Variants in CD84 observed in about 807,000 individuals in gnomAD.
CD84 encodes CD84 molecule.
Under a neutral mutation model 33.8 loss-of-function variants are expected in CD84, and 22 were observed. The ratio of observed to expected loss-of-function variants is 0.65; its 90% confidence interval spans 0.46 to 0.93. The LOEUF is 0.93. Ranked by LOEUF, CD84 falls within the 40% of genes least tolerant of loss-of-function variation. CD84 has a pLI of 0.00. For missense variants in CD84, 400 were observed against 397.6 expected, an observed-to-expected ratio of 1.01 and a Z score of -0.05; for synonymous variants, 154 against 145.2, an observed-to-expected ratio of 1.06 and a Z score of -0.44.
intron 1 of CD84, among the ~76,000 whole-genome samples, chr1:160,569,745 G>A (rs1471937931): frequency 6.6e-6 from 1 of 152,076 alleles, no homozygotes; most frequent in African/African-American, 2.4e-5. Flanking sequence ...TCTACTTGAT[G>A]GAAAGGGAAA....
At position 160,547,021 on chromosome 1, in the gene CD84, A is replaced by T. The variant is rs1452608489; in HGVS notation, c.*1235T>A. 2.5e-6 allele frequency: 1 copy of T among 397,980 alleles called. No homozygotes were observed. Among genetic ancestry groups the T allele is most frequent in the African/African-American group, 2.1e-5 (1 of 48,636 alleles). The allele number at this position is 397,980 out of a possible 1,614,324, so 24.7% of individuals were successfully genotyped here. A position where few individuals can be genotyped will look rare whatever the true frequency, so the allele number is the denominator to read the frequency against. On this transcript the variant is annotated 3_prime_UTR_variant, in exon 7 of 7. Transcript: ENST00000368054. ...GTTAGCCGATTATACTTGCTAACAC[A>T]TAAGGGAAACACTTCCTTAAATGAT...
chr1:160,559,502 A>G (rs1656814052), intron 2 of CD84, among the ~76,000 whole-genome samples: 1 of 152,200 alleles, frequency 6.6e-6, no homozygotes, highest in Non-Finnish European at 1.5e-5. Flanking sequence ...GGAAAGGGAA[A>G]ACAGGTACCA....
intron 4 of CD84, chr1:160,552,731 C>A: frequency 6.5e-7 from 1 of 1,547,962 alleles, no homozygotes. Flanking sequence ...GGTGTTCAAG[C>A]AGGAACCTGA....
chr1:160,575,494 AACACACACACACAC>A (rs3078967), intron 1 of CD84, among the ~76,000 whole-genome samples: 1 of 146,706 alleles, frequency 6.8e-6, no homozygotes, highest in Non-Finnish European at 1.5e-5. Flanking sequence ...GTTCCTTCAA[AACACACACACACAC>A]ACACACACAC....
intron 1 of CD84, among the ~76,000 whole-genome samples, chr1:160,576,265 G>A (rs1440218050): frequency 2.6e-5 from 4 of 152,192 alleles, no homozygotes; most frequent in Non-Finnish European, 5.9e-5. Context: ...GGTCTCAACT[G>A]CTGAAATGCC....
chr1:160,567,931 C>G (rs2369720), intron 1 of CD84, among the ~76,000 whole-genome samples: 7,570 of 152,204 alleles, frequency 0.05, 639 homozygotes, highest in African/African-American at 0.17. Context: ...CTGAACTGGA[C>G]TTAAGGCTGC....
intron 1 of CD84, among the ~76,000 whole-genome samples, chr1:160,576,662 G>GTTAGA (rs1234140259): frequency 6.6e-6 from 1 of 152,170 alleles, no homozygotes; most frequent in Non-Finnish European, 1.5e-5. Context: ...CAGAGGTGAA[G>GTTAGA]TCTAAGGACT....
chr1:160,567,596 A>T (rs890776595), intron 1 of CD84, among the ~76,000 whole-genome samples: 5 of 152,208 alleles, frequency 3.3e-5, no homozygotes, highest in Non-Finnish European at 5.9e-5. Flanking sequence ...ACATCGTTGC[A>T]GCCCTGAGGA....
intron 1 of CD84, among the ~76,000 whole-genome samples, chr1:160,567,127 T>C (rs943055256): frequency 6.6e-6 from 1 of 152,242 alleles, no homozygotes; most frequent in South Asian, 2.1e-4. Flanking sequence ...TGGTGTGTAC[T>C]GGTTGCATGT....
chr1:160,550,522 A>G (rs1225869011), intron 5 of CD84: 4 of 645,562 alleles, frequency 6.2e-6, no homozygotes, highest in Admixed American at 6.3e-5. Flanking sequence ...CAGGAGGGGC[A>G]TTCAAGGGAA....
chr1:160,555,763 G>A (rs1283659574), intron 2 of CD84, among the ~76,000 whole-genome samples: 2 of 142,012 alleles, frequency 1.4e-5, no homozygotes, highest in Non-Finnish European at 2.9e-5. Context: ...AGGAACTGGT[G>A]CACAACTAGA....
intron 2 of CD84, among the ~76,000 whole-genome samples, chr1:160,559,281 T>C: frequency 6.6e-6 from 1 of 152,198 alleles, no homozygotes; most frequent in South Asian, 2.1e-4. Context: ...AAAGTGTACC[T>C]CTCAGTAGAA....
At chr1:160,576,106 C>T (rs1477072492) in intron 1 of CD84, among the ~76,000 whole-genome samples, 2 of 152,154 alleles carry the variant, frequency 1.3e-5, no homozygotes, top group Non-Finnish European at 2.9e-5. Context: ...TTGTCCTTAT[C>T]TTGAAGACCC....
intron 1 of CD84, among the ~76,000 whole-genome samples, chr1:160,577,960 G>A (rs1284397759): frequency 2.0e-5 from 3 of 152,072 alleles, no homozygotes; most frequent in African/African-American, 7.2e-5. Flanking sequence ...TTTTATCTTA[G>A]CAGGTATTAA....
At chr1:160,562,584 A>C (rs766384014) in intron 2 of CD84, among the ~76,000 whole-genome samples, 6 of 152,224 alleles carry the variant, frequency 3.9e-5, no homozygotes, top group Non-Finnish European at 8.8e-5. Flanking sequence ...GGTGAATTAA[A>C]GACTTAAATG....
intron 2 of CD84, among the ~76,000 whole-genome samples, chr1:160,555,844 C>T (rs1311504498): frequency 6.6e-6 from 1 of 152,168 alleles, no homozygotes; most frequent in Non-Finnish European, 1.5e-5. Flanking sequence ...AGGAACTCAA[C>T]ATGAACAGTA....
At chr1:160,556,261 C>T (rs1304727894) in intron 2 of CD84, among the ~76,000 whole-genome samples, 1 of 152,148 alleles carries the variant, frequency 6.6e-6, no homozygotes, top group Non-Finnish European at 1.5e-5. Flanking sequence ...TTCATCCTCC[C>T]AAGCCAAGAT....
intron 1 of CD84, among the ~76,000 whole-genome samples, chr1:160,567,479 T>C (rs528027030): frequency 6.6e-6 from 1 of 152,104 alleles, no homozygotes; most frequent in Admixed American, 6.6e-5. Flanking sequence ...GTGGGGAGTA[T>C]GTGGAGTGGG....
chr1:160,577,430 C>T (rs893352529), intron 1 of CD84, among the ~76,000 whole-genome samples: 2 of 152,170 alleles, frequency 1.3e-5, no homozygotes, highest in African/African-American at 4.8e-5. Flanking sequence ...TAAAGGTGGA[C>T]AGTATGTAAA....
Sources: gnomAD v4.1 joint callset for allele counts (sites outside exome capture counted in the v4.1 genomes callset) on GRCh38, gnomAD v4.1.1 for gene constraint, MANE v1.5 for transcripts, NCBI Gene and HGNC (gene_info 2026-07-23, HGNC 2026-07-21) for gene names.